EPB41L4A: variants seen among roughly 807,000 people sequenced by gnomAD.
EPB41L4A encodes erythrocyte membrane protein band 4.1 like 4A.
Under a neutral mutation model 108.6 loss-of-function variants are expected in EPB41L4A, and 100 were observed. The observed-to-expected ratio is 0.92, with a 90% confidence interval of 0.78 to 1.09. EPB41L4A has a LOEUF of 1.09. Among genes scored for constraint, EPB41L4A ranks in the 50% least tolerant of loss-of-function variants. EPB41L4A has a pLI of 0.00. For synonymous variants in EPB41L4A, 319 were observed against 289.0 expected, an observed-to-expected ratio of 1.10 and a Z score of -1.05; for missense variants, 1,030 against 842.7, an observed-to-expected ratio of 1.22 and a Z score of -2.75.
intron 1 of EPB41L4A, among the ~76,000 whole-genome samples, chr5:112,339,531 T>TAG (rs1554100064): frequency 6.4e-4 from 72 of 112,754 alleles, no homozygotes; most frequent in African/African-American, 2.8e-3. Context: ...TATATATCTA[T>TAG]ATATATATAT....
intron 1 of EPB41L4A, among the ~76,000 whole-genome samples, chr5:112,368,442 C>T (rs138721996): frequency 1.3e-5 from 2 of 152,126 alleles, no homozygotes; most frequent in East Asian, 3.8e-4. Flanking sequence ...ACAATATATA[C>T]CTTAGTCACT....
intron 12 of EPB41L4A, among the ~76,000 whole-genome samples, chr5:112,229,979 C>T (rs1748755029): frequency 7.2e-6 from 1 of 138,530 alleles, no homozygotes; most frequent in Non-Finnish European, 1.6e-5. Context: ...CAGAGCTAGA[C>T]TCTGTCTCAA....
chr5:112,336,438 A>G (rs1407995061), intron 1 of EPB41L4A, among the ~76,000 whole-genome samples: 1 of 152,202 alleles, frequency 6.6e-6, no homozygotes, highest in Non-Finnish European at 1.5e-5. Flanking sequence ...TGTGTTCCAG[A>G]AGGCAGATTT....
At chr5:112,377,105 T>C (rs1194501663) in intron 1 of EPB41L4A, among the ~76,000 whole-genome samples, 2 of 151,566 alleles carry the variant, frequency 1.3e-5, no homozygotes, top group African/African-American at 2.4e-5. Context: ...CTCAGGAGGC[T>C]GAGATGAGAA....
chr5:112,225,700 T>C, intron 12 of EPB41L4A, among the ~76,000 whole-genome samples: 1 of 152,220 alleles, frequency 6.6e-6, no homozygotes, highest in Non-Finnish European at 1.5e-5. Context: ...TGTCTTTGTA[T>C]ATAATGGTAA....
intron 1 of EPB41L4A, among the ~76,000 whole-genome samples, chr5:112,393,149 A>C (rs1460875658): frequency 1.3e-5 from 2 of 152,224 alleles, no homozygotes; most frequent in Non-Finnish European, 2.9e-5. Flanking sequence ...GAAAGATCTA[A>C]AATCGACACC....
chr5:112,400,014 A>T (rs1761636127), intron 1 of EPB41L4A, among the ~76,000 whole-genome samples: 1 of 152,244 alleles, frequency 6.6e-6, no homozygotes, highest in Admixed American at 6.5e-5. Context: ...TGGGTGTATT[A>T]GTCCATTTTC....
At chr5:112,345,822 C>CAT (rs1318184609) in intron 1 of EPB41L4A, among the ~76,000 whole-genome samples, 2 of 146,490 alleles carry the variant, frequency 1.4e-5, no homozygotes, top group South Asian at 2.2e-4. Context: ...CACACACACA[C>CAT]GCACACATAA....
chr5:112,248,177 A>G (rs1750381908), intron 9 of EPB41L4A, among the ~76,000 whole-genome samples: 1 of 152,204 alleles, frequency 6.6e-6, no homozygotes, highest in Admixed American at 6.5e-5. Flanking sequence ...TTGAAACAGG[A>G]GCCAGGTATT....
intron 9 of EPB41L4A, among the ~76,000 whole-genome samples, chr5:112,258,420 C>T (rs1223621237): frequency 6.6e-6 from 1 of 152,200 alleles, no homozygotes; most frequent in Non-Finnish European, 1.5e-5. Flanking sequence ...AGTTTTTGTT[C>T]TGCACAAAGT....
At chr5:112,208,419 C>T (rs1762573877) in intron 13 of EPB41L4A, among the ~76,000 whole-genome samples, 1 of 152,064 alleles carries the variant, frequency 6.6e-6, no homozygotes, top group Non-Finnish European at 1.5e-5. Flanking sequence ...AAACCATGTC[C>T]TTTGCGGCAA....
At chr5:112,385,627 A>G (rs922233457) in intron 1 of EPB41L4A, among the ~76,000 whole-genome samples, 5 of 152,182 alleles carry the variant, frequency 3.3e-5, no homozygotes, top group Admixed American at 6.5e-5. Context: ...TTGAAATTAG[A>G]AGAATTGTAG....
chr5:112,351,740 C>T (rs1381842843), intron 1 of EPB41L4A, among the ~76,000 whole-genome samples: 1 of 152,066 alleles, frequency 6.6e-6, no homozygotes, highest in East Asian at 1.9e-4. Context: ...GTGTGAAAAT[C>T]CCGAACAAAA....
At chr5:112,271,350 C>T (rs1217802856) in intron 4 of EPB41L4A, among the ~76,000 whole-genome samples, 1 of 152,182 alleles carries the variant, frequency 6.6e-6, no homozygotes, top group African/African-American at 2.4e-5. Flanking sequence ...ACCATTATTT[C>T]CATGTCAGCT....
chr5:112,291,346 G>T (rs1052325877), intron 2 of EPB41L4A, among the ~76,000 whole-genome samples: 4 of 152,150 alleles, frequency 2.6e-5, no homozygotes, highest in Non-Finnish European at 5.9e-5. Context: ...CCTCCTGCCT[G>T]CCATGCTCCT....
chr5:112,233,537 A>G (rs1395685183), intron 12 of EPB41L4A, among the ~76,000 whole-genome samples: 1 of 152,190 alleles, frequency 6.6e-6, no homozygotes, highest in African/African-American at 2.4e-5. Flanking sequence ...ATTCTGTACA[A>G]ATGAAGCTCA....
At position 112,280,279 on chromosome 5, in the gene EPB41L4A, C is replaced by T; in HGVS notation, c.249G>A (p.Leu83=). The change falls in exon 3 of 23, where the codon CTG becomes CTA. Residue 83 remains leucine (L), a synonymous_variant. Coordinates refer to ENST00000261486, the MANE Select transcript of EPB41L4A (RefSeq NM_022140.5). ...TAAAAGCTAAATACCTACTGTTGAT[C>T]AGTTCTTTGTGTTCAGCAAGGGTTT... The part of the protein sequence containing the change: ...PAKTLAEHKE[L]INTGPPYTLY... 1 of 1,613,898 alleles carries T rather than the reference C, an allele frequency of 6.2e-7. No individual in the cohort carries two copies. The highest frequency in any genetic ancestry group is 8.5e-7 in the Non-Finnish European group (1 of 1,179,804).
At chr5:112,176,784 C>T (rs151050660) in intron 18 of EPB41L4A, among the ~76,000 whole-genome samples, 3,978 of 107,128 alleles carry the variant, frequency 0.037, 262 homozygotes, top group African/African-American at 0.13. Context: ...GATGGAGTTT[C>T]ACTCCTGTTG....
chr5:112,403,161 C>A (rs1186138734), intron 1 of EPB41L4A, among the ~76,000 whole-genome samples: 1 of 152,046 alleles, frequency 6.6e-6, no homozygotes. Context: ...AACCTGGAGG[C>A]TGGTTTCCTT....
Sources: allele counts gnomAD v4.1 joint callset (sites outside exome capture counted in the v4.1 genomes callset), GRCh38; gene constraint gnomAD v4.1.1; transcripts MANE v1.5; gene names NCBI Gene and HGNC (gene_info 2026-07-23, HGNC 2026-07-21).